The following RMND1 variants were observed in gnomAD, a reference collection of about 807,000 sequenced individuals.
The protein encoded by RMND1 is required for meiotic nuclear division protein 1 homolog.
RMND1 carries 41 observed loss-of-function variants against 54.0 expected under a neutral mutation model. The observed-to-expected ratio is 0.76, with a 90% CI of 0.59 to 0.98. RMND1 has a LOEUF of 0.98. RMND1 is among the 50% of genes least tolerant of loss of function. The probability of loss-of-function intolerance (pLI) is 0.00; values close to 1 mark genes in which losing one functional copy is unlikely to be tolerated. For missense variants in RMND1, 457 were observed against 532.0 expected, an observed-to-expected ratio of 0.86 and a Z score of 1.39; for synonymous variants, 183 against 181.7, an observed-to-expected ratio of 1.01 and a Z score of -0.06.
chr6:151,446,530 A>C (rs1156721418), intron 1 of RMND1, among the ~76,000 whole-genome samples: 3 of 152,148 alleles, frequency 2.0e-5, no homozygotes, highest in Non-Finnish European at 4.4e-5. Flanking sequence ...GAGGCATGTC[A>C]GATACACACA....
Position 151,444,956 on chromosome 6 carries a change from TGAAG to T in RMND1, c.504+348_504+351del, listed in dbSNP as rs1211329776. The T allele has an allele frequency of 2.7e-5, 5 of 182,180 alleles. No homozygotes were observed. The East Asian group carries it at 7.0e-4, about 26-fold the overall frequency. The allele number at this position is 182,180 out of a possible 1,614,324, so 11.3% of individuals were successfully genotyped here. A position where few individuals can be genotyped will look rare whatever the true frequency, so the allele number is the denominator to read the frequency against. On this transcript the variant is annotated intron_variant, in intron 2 of 11. Transcript: ENST00000444024. ...AGAGTTACAATTTTTTTTAACTTGA[TGAAG>T]AATTTCTAGTTTGTTTTTTTTTATT...
chr6:151,440,924 C>T (rs1055107749), intron 2 of RMND1, among the ~76,000 whole-genome samples: 2 of 152,004 alleles, frequency 1.3e-5, no homozygotes, highest in Admixed American at 1.3e-4. Flanking sequence ...TAAGCATTAG[C>T]TACATATATA....
intron 8 of RMND1, 146 bp downstream of exon 8, chr6:151,422,395 C>T (rs1488825299): frequency 4.3e-6 from 2 of 462,202 alleles, no homozygotes; most frequent in Non-Finnish European, 7.9e-6. Context: ...GGGATTTGGA[C>T]ACTGGTAGAT....
At chr6:151,436,587 C>T (rs775246667) in intron 2 of RMND1, 33 bp from the exon 3 acceptor site, 1 of 1,608,908 alleles carries the variant, frequency 6.2e-7, no homozygotes, top group East Asian at 2.2e-5. Context: ...ACATGGGTTA[C>T]CAAGAGGCTG....
intron 10 of RMND1, 151 bp downstream of exon 10, chr6:151,417,128 A>G: frequency 1.3e-6 from 1 of 773,396 alleles, no homozygotes; most frequent in Non-Finnish European, 2.0e-6. Context: ...TGACACAAAA[A>G]ATTGAAGTGA....
In RMND1 at chr6:151,436,544, T is replaced by C; in HGVS notation, c.515A>G (p.His172Arg). Residue 172 changes from histidine to arginine, a missense_variant, in exon 3 of 12, where the codon CAC becomes CGC. His to Arg is a conservative substitution (Grantham distance 29). Coordinates refer to ENST00000444024, the MANE Select transcript of RMND1 (RefSeq NM_017909.4). ...PVLSVNEDLM[H>R]CTAFATADEY... ...ATCTGCCGTTGCAAATGCTGTGCAG[T>C]GCATTAGGTCCTGTTCCAGGGAAAT... The C allele has an allele frequency of 6.2e-7, 1 of 1,613,894 alleles. No individual in the cohort carries two copies. The highest frequency in any genetic ancestry group is 1.1e-5 in the South Asian group (1 of 91,082).
intron 6 of RMND1, among the ~76,000 whole-genome samples, chr6:151,425,899 T>C (rs1780281838): frequency 6.6e-6 from 1 of 151,856 alleles, no homozygotes; most frequent in Admixed American, 6.6e-5. Context: ...TTTCTATAGC[T>C]AGTCTCTGTC....
intron 2 of RMND1, among the ~76,000 whole-genome samples, chr6:151,438,495 T>C (rs9322321): frequency 0.31 from 47,696 of 152,086 alleles, 7,654 homozygotes; most frequent in East Asian, 0.37. Context: ...CTGTCTCTTT[T>C]GCTAGAATCG....
At chr6:151,428,735 T>C (rs1780374522) in intron 5 of RMND1, among the ~76,000 whole-genome samples, 1 of 152,174 alleles carries the variant, frequency 6.6e-6, no homozygotes, top group Admixed American at 6.5e-5. Flanking sequence ...GATCTCACTG[T>C]GTTGTTCAGG....
At chr6:151,417,113 T>A in intron 10 of RMND1, 166 bp downstream of exon 10, 1 of 646,188 alleles carries the variant, frequency 1.5e-6, no homozygotes, top group East Asian at 3.0e-5. Flanking sequence ...TATCAGAAGA[T>A]CCTTTGACAC....
rs1167541551 is a variant in RMND1, at chr6:151,420,900, T to TA, written c.1079+344_1079+345insT. On this transcript the variant is annotated intron_variant, in intron 9 of 11. Transcript: ENST00000444024. ...ACTTTTCTGTAGCAATTAAGCCTAT[T>TA]TAGCATTATGATGCAGTGATATATT... 11 of 162,006 alleles carry TA rather than the reference T, an allele frequency of 6.8e-5. No homozygotes were observed. The East Asian group carries it at 1.8e-3, about 26-fold the overall frequency. 10.0% of individuals were successfully genotyped at this position (162,006 alleles called of 1,614,324 possible).
Position 151,404,825 on chromosome 6 carries a change from AAAAC to A in RMND1, c.*406_*409del, listed in dbSNP as rs1779552997. Reference sequence around the variant, plus strand: ...TGAAAAAGATAATTTCTTGATTAAAAAAACACCTATTAAATGATCACCCAGTAGT... The same window carrying A: ...TGAAAAAGATAATTTCTTGATTAAAAACCTATTAAATGATCACCCAGTAGT... On this transcript the variant is annotated 3_prime_UTR_variant, in exon 12 of 12. Transcript: ENST00000444024. 6.5e-6 allele frequency: 1 copy of A among 154,524 alleles called. No individual in the cohort carries two copies. Among genetic ancestry groups the A allele is most frequent in the Non-Finnish European group, 1.4e-5 (1 of 69,862 alleles). The allele number at this position is 154,524 out of a possible 1,614,324, so 9.6% of individuals were successfully genotyped here. A position where few individuals can be genotyped will look rare whatever the true frequency, so the allele number is the denominator to read the frequency against.
At chr6:151,422,121 C>A (rs1780167257) in intron 8 of RMND1, among the ~76,000 whole-genome samples, 1 of 152,084 alleles carries the variant, frequency 6.6e-6, no homozygotes, top group Admixed American at 6.6e-5. Flanking sequence ...TGTTGTACTC[C>A]TAAACAATCG....
At chr6:151,421,352 A>C in intron 8 of RMND1, 31 bp from the exon 9 acceptor site, 1 of 1,513,308 alleles carries the variant, frequency 6.6e-7, no homozygotes. Context: ...AAAACCAAAA[A>C]ACCATGTATC....
At chr6:151,435,050 T>C (rs914864822) in intron 3 of RMND1, among the ~76,000 whole-genome samples, 1 of 152,170 alleles carries the variant, frequency 6.6e-6, no homozygotes, top group Admixed American at 6.5e-5. Context: ...GGTTTCACCA[T>C]GTTGGACAGG....
intron 3 of RMND1, among the ~76,000 whole-genome samples, chr6:151,435,784 C>T (rs1438000550): frequency 6.6e-6 from 1 of 151,010 alleles, no homozygotes; most frequent in African/African-American, 2.4e-5. Flanking sequence ...CTCCCCATGT[C>T]TATCAACTTC....
chr6:151,451,295 ATT>A (rs1781186059), intron 1 of RMND1, among the ~76,000 whole-genome samples: 2 of 151,726 alleles, frequency 1.3e-5, no homozygotes, highest in South Asian at 4.2e-4. Flanking sequence ...CACACCTTTA[ATT>A]TTTAGTTTAT....
At chr6:151,444,653 A>G (rs951412100) in intron 2 of RMND1, 1 of 128,782 alleles carries the variant, frequency 7.8e-6, no homozygotes, top group Non-Finnish European at 1.8e-5. Context: ...ATCCTCTTAT[A>G]AACATTTAAG....
rs78060101 is a variant in RMND1, at chr6:151,417,235, C to T, written c.1200+44G>A. 22,929 of 1,572,616 alleles carry T rather than the reference C, an allele frequency of 0.015. 226 individuals are homozygous for T. Among genetic ancestry groups the T allele is most frequent in the Non-Finnish European group, 0.018 (20,562 of 1,163,212 alleles). ...CAGTTAAACATATTCAACTTATAGG[C>T]GACAACGTGTCTTTTTCTCTCATTA... is the stretch of plus-strand genomic sequence containing the variant. On this transcript the variant is annotated intron_variant, in intron 10 of 11. Transcript: ENST00000444024.
Sources: allele counts gnomAD v4.1 joint callset (sites outside exome capture counted in the v4.1 genomes callset), GRCh38; gene constraint gnomAD v4.1.1; transcripts MANE v1.5; gene names NCBI Gene and HGNC (gene_info 2026-07-23, HGNC 2026-07-21).